The following NFXL1 variants were observed in gnomAD, a reference collection of about 807,000 sequenced individuals.
NFXL1 encodes the protein nuclear transcription factor, X-box binding like 1.
Under a neutral mutation model 123.3 loss-of-function variants are expected in NFXL1, and 66 were observed. That is an observed-to-expected ratio of 0.54 (90% CI 0.44 to 0.66). The LOEUF (loss-of-function observed/expected upper bound fraction) is 0.66. NFXL1 is among the 30% of genes least tolerant of loss of function. The pLI, the probability that NFXL1 is intolerant of heterozygous loss-of-function variation, is 0.00. For synonymous variants in NFXL1, 346 were observed against 360.8 expected, an observed-to-expected ratio of 0.96 and a Z score of 0.46; for missense variants, 944 against 1,125.6, an observed-to-expected ratio of 0.84 and a Z score of 2.31.
chr4:47,903,443 G>C (rs1737432461), intron 4 of NFXL1, 120 bp from the exon 5 acceptor site: 2 of 532,940 alleles, frequency 3.8e-6, no homozygotes, highest in Non-Finnish European at 5.9e-6. Context: ...AAAGAAAAAA[G>C]GTCTTTCCTT....
At chr4:47,913,376 C>T (rs1737937775) in intron 2 of NFXL1, among the ~76,000 whole-genome samples, 1 of 152,160 alleles carries the variant, frequency 6.6e-6, no homozygotes, top group Non-Finnish European at 1.5e-5. Flanking sequence ...ATAGGAACTA[C>T]AGTCAAGGAA....
intron 15 of NFXL1, among the ~76,000 whole-genome samples, chr4:47,882,681 A>C (rs1384454800): frequency 6.6e-6 from 1 of 151,842 alleles, no homozygotes; most frequent in African/African-American, 2.4e-5. Flanking sequence ...TTCTTTTCAG[A>C]CTATATAAGT....
At chr4:47,880,934 T>G (rs139387718) in intron 15 of NFXL1, among the ~76,000 whole-genome samples, 7 of 150,794 alleles carry the variant, frequency 4.6e-5, no homozygotes, top group African/African-American at 1.7e-4. Context: ...AAAAGCAGAA[T>G]AGTTACAGGA....
intron 2 of NFXL1, among the ~76,000 whole-genome samples, chr4:47,913,578 CA>C (rs1273916975): frequency 6.6e-6 from 1 of 152,212 alleles, no homozygotes; most frequent in Admixed American, 6.5e-5. Context: ...ACTAAAGCCA[CA>C]AGGTTGTTAA....
chr4:47,885,815 A>G (rs1736394105), intron 13 of NFXL1, 64 bp downstream of exon 13: 1 of 1,551,484 alleles, frequency 6.4e-7, no homozygotes, highest in South Asian at 1.2e-5. Flanking sequence ...AAATTATTAA[A>G]AGCCAATATG....
chr4:47,859,999 G>A (rs1363404126), intron 19 of NFXL1, among the ~76,000 whole-genome samples: 3 of 152,002 alleles, frequency 2.0e-5, no homozygotes, highest in Non-Finnish European at 4.4e-5. Context: ...GGGGATTGGG[G>A]GGATGTTAGT....
At chr4:47,855,250 T>C (rs780664827) in intron 19 of NFXL1, 87 bp from the exon 20 acceptor site, 7 of 678,008 alleles carry the variant, frequency 1.0e-5, no homozygotes, top group Non-Finnish European at 1.8e-5. Flanking sequence ...TTTAAGAGAG[T>C]CCATCACACA....
At chr4:47,900,600 T>C (rs73145945) in intron 5 of NFXL1, among the ~76,000 whole-genome samples, 39 of 152,322 alleles carry the variant, frequency 2.6e-4, no homozygotes, top group African/African-American at 9.1e-4. Flanking sequence ...AATACATAAG[T>C]GTTGGCAGTA....
At position 47,885,636 on chromosome 4, in the gene NFXL1, A is replaced by G; in HGVS notation, c.1686T>C (p.His562=). The part of the protein sequence containing the change: ...EQCSRPPTCH[H]TSQEKHRCHF... ...GACAGCGATGTTTTTCTTGACTTGTATGATGACAAGTTGGTGGTCGACTAA... is the reference window on the plus strand; with the variant it reads ...GACAGCGATGTTTTTCTTGACTTGTGTGATGACAAGTTGGTGGTCGACTAA... Residue 562 remains histidine, a synonymous_variant, in exon 14 of 23, where the codon CAT becomes CAC. Transcript: ENST00000507489. The G allele has an allele frequency of 6.2e-7, 1 of 1,613,470 alleles. No individual in the cohort carries two copies. Among genetic ancestry groups the G allele is most frequent in the Non-Finnish European group, 8.5e-7 (1 of 1,179,530 alleles).
chr4:47,897,822 G>C, intron 9 of NFXL1, 145 bp downstream of exon 9: 1 of 570,052 alleles, frequency 1.8e-6, no homozygotes, highest in African/African-American at 1.9e-5. Flanking sequence ...TCATATAGTT[G>C]GGGGCTTAAA....
chr4:47,891,371 C>T (rs1230175285), intron 11 of NFXL1, among the ~76,000 whole-genome samples: 1 of 152,074 alleles, frequency 6.6e-6, no homozygotes, highest in Non-Finnish European at 1.5e-5. Flanking sequence ...CTTGGCCTCC[C>T]AAAGTACTTG....
intron 2 of NFXL1, among the ~76,000 whole-genome samples, chr4:47,912,604 G>GC (rs1453082100): frequency 6.7e-6 from 1 of 148,730 alleles, no homozygotes; most frequent in Non-Finnish European, 1.5e-5. Context: ...GACTACAGGC[G>GC]CCTGCCACCC....
intron 19 of NFXL1, among the ~76,000 whole-genome samples, chr4:47,860,896 A>G (rs569832068): frequency 6.6e-6 from 1 of 151,534 alleles, no homozygotes. Flanking sequence ...CTTGTTGCCC[A>G]AGCTGGAGTG....
At chr4:47,884,208 C>G (rs1736289619) in intron 15 of NFXL1, 138 bp downstream of exon 15, 1 of 522,016 alleles carries the variant, frequency 1.9e-6, no homozygotes. Context: ...AAGGTTAAGA[C>G]AGACACACTA....
At chr4:47,901,008 G>T (rs1737333846) in intron 5 of NFXL1, among the ~76,000 whole-genome samples, 1 of 152,146 alleles carries the variant, frequency 6.6e-6, no homozygotes, top group Non-Finnish European at 1.5e-5. Context: ...GGGTATGGAT[G>T]ACTAATAGGC....
At chr4:47,882,007 CACAG>C in intron 15 of NFXL1, among the ~76,000 whole-genome samples, 1 of 152,268 alleles carries the variant, frequency 6.6e-6, no homozygotes, top group Middle Eastern at 3.4e-3. Context: ...AACCATACAA[CACAG>C]AAAGTAAATC....
rs553105558 is a variant in NFXL1 at position 47,870,834 on chromosome 4, A to G, written c.2246+4293T>C. Among the ~76,000 whole-genome samples, 41 of 152,306 alleles carry G rather than the reference A, an allele frequency of 2.7e-4. No individual in the cohort carries two copies. The South Asian group carries it at 8.1e-3, about 30-fold the overall frequency. On this transcript the variant is annotated intron_variant, in intron 18 of 22. Transcript: ENST00000507489. ...CCTGGGCCATTTTTATTAGCCAGAA[A>G]AAAAAAGAAAATACTAAAACAAAGA...
intron 8 of NFXL1, among the ~76,000 whole-genome samples, 173 bp downstream of exon 8, chr4:47,898,584 T>C (rs1348226892): frequency 6.6e-6 from 1 of 152,152 alleles, no homozygotes; most frequent in African/African-American, 2.4e-5. Context: ...CTCTAATAAT[T>C]AAAAATGATA....
intron 3 of NFXL1, among the ~76,000 whole-genome samples, chr4:47,907,292 T>C (rs1479007362): frequency 6.6e-6 from 1 of 152,238 alleles, no homozygotes; most frequent in East Asian, 1.9e-4. Flanking sequence ...GTAAATGACA[T>C]GCATATGCCA....
Sources: allele counts gnomAD v4.1 joint callset (sites outside exome capture counted in the v4.1 genomes callset), GRCh38; gene constraint gnomAD v4.1.1; transcripts MANE v1.5; gene names NCBI Gene and HGNC (gene_info 2026-07-23, HGNC 2026-07-21).